Variants in EHBP1L1 observed in about 807,000 individuals in gnomAD.
EHBP1L1 encodes the protein EH domain binding protein 1 like 1.
Under a neutral mutation model 151.1 loss-of-function variants are expected in EHBP1L1, and 122 were observed. The observed-to-expected ratio is 0.81, with a 90% CI of 0.70 to 0.94. The LOEUF is 0.94. Ranked by LOEUF, EHBP1L1 falls within the 40% of genes least tolerant of loss-of-function variation. The pLI, the probability that EHBP1L1 is intolerant of heterozygous loss-of-function variation, is 0.00. For missense variants in EHBP1L1, 1,941 were observed against 1,959.8 expected (o/e 0.99, Z 0.18); for synonymous variants, 878 against 810.1 (o/e 1.08, Z -1.42).
chr11:65,583,277 A>G lies in EHBP1L1; in HGVS notation c.2605A>G (p.Thr869Ala). The G allele has an allele frequency of 6.2e-7, 1 of 1,613,522 alleles. No individual in the cohort carries two copies. The highest frequency in any genetic ancestry group is 2.2e-5 in the East Asian group (1 of 44,886). ...GGCCCGAGTACTGATGACCCGTAAG[A>G]CAGAAATTATAGTTCCAGAGGCTGA... ...AEARVLMTRK[T>A]EIIVPEAEKE... The change falls in exon 9 of 19, where the codon ACA (threonine) becomes GCA (alanine). Residue 869 changes from threonine (T) to alanine (A), a missense_variant. Physicochemically the swap from Thr to Ala is moderately conservative, Grantham distance 58. Transcript: ENST00000309295.
In EHBP1L1 at chr11:65,576,076, C is replaced by T. The variant is rs1033019797; in HGVS notation, c.-227C>T. 40 of 312,464 alleles carry T rather than the reference C, an allele frequency of 1.3e-4. No individual in the cohort carries two copies. The highest frequency in any genetic ancestry group is 8.1e-4 in the African/African-American group (37 of 45,532). The allele number at this position is 312,464 out of a possible 1,614,324, so 19.4% of individuals were successfully genotyped here. A position where few individuals can be genotyped will look rare whatever the true frequency, so the allele number is the denominator to read the frequency against. ...CCAGGAAACGGCGCGCTCCCAGCTC[C>T]GCGCTCGCCACCCGACGCGCCCCAG... On this transcript the variant is annotated 5_prime_UTR_variant, in exon 1 of 19. Transcript: ENST00000309295.
Position 65,576,342 on chromosome 11 carries a change from C to T in EHBP1L1, c.40C>T (p.Arg14Trp), listed in dbSNP as rs1330249918. 2 of 1,599,044 alleles carry T rather than the reference C, an allele frequency of 1.3e-6. No homozygotes were observed. Among genetic ancestry groups the T allele is most frequent in the Admixed American group, 1.7e-5 (1 of 57,878 alleles). The change falls in exon 1 of 19, where the codon CGG (arginine) becomes TGG (tryptophan). Residue 14 changes from arginine to tryptophan, a missense_variant. Arg to Trp is a moderately radical substitution (Grantham distance 101, BLOSUM62 -3). Transcript: ENST00000309295. The part of the protein sequence containing the change: ...VWKRLQRVGK[R>W]AAKFQFVACY... ...GAAGCGCCTGCAGCGCGTGGGCAAG[C>T]GGGCGGCCAAGTTCCAGTTCGTGGC...
Position 65,590,011 on chromosome 11 carries a change from A to G in EHBP1L1, c.4059+20A>G. The G allele has an allele frequency of 6.2e-7, 1 of 1,606,398 alleles. No homozygotes were observed. The highest frequency in any genetic ancestry group is 8.5e-7 in the Non-Finnish European group (1 of 1,174,418). The stretch of plus-strand genomic sequence containing the variant: ...GGGCTGGTAAGGAGGGCTAAGTGGG[A>G]GGAGCTGATGGGTGAGCACCACCTA... On this transcript the variant is annotated intron_variant, in intron 14 of 18. Coordinates refer to ENST00000309295, the MANE Select transcript of EHBP1L1 (RefSeq NM_001099409.3).
At chr11:65,579,891 C>T (rs1409848471) in intron 3 of EHBP1L1, 45 bp from the exon 4 acceptor site, 2 of 1,600,264 alleles carry the variant, frequency 1.2e-6, no homozygotes, top group Admixed American at 3.3e-5. Context: ...GCTCCCTTTG[C>T]TGCTGCCCCA....
intron 14 of EHBP1L1, 45 bp downstream of exon 14, chr11:65,590,036 A>G: frequency 6.2e-7 from 1 of 1,611,676 alleles, no homozygotes; most frequent in South Asian, 1.1e-5. Flanking sequence ...AGCACCACCT[A>G]TTCAGGGCCT....
chr11:65,582,317 G>C lies in EHBP1L1; in HGVS notation c.1645G>C (p.Ala549Pro). The C allele has an allele frequency of 6.5e-7, 1 of 1,545,380 alleles. No homozygotes were observed. The highest frequency in any genetic ancestry group is 8.7e-7 in the Non-Finnish European group (1 of 1,151,304). Residue 549 changes from alanine to proline, a missense_variant, in exon 9 of 19, where the codon GCC (alanine) becomes CCC (proline). Coordinates refer to ENST00000309295, the MANE Select transcript of EHBP1L1 (RefSeq NM_001099409.3). ...CTGGCAGGGGGCCCTGTTATCAACT[G>C]CCCAGGGGGCAATATCCAGGGGTCT... ...SSWQGALLSTAQGAISRGLGG... is the reference protein window; with the variant it reads ...SSWQGALLSTPQGAISRGLGG...
At position 65,576,351 on chromosome 11, in the gene EHBP1L1, A is replaced by G. The variant is rs1373616526; in HGVS notation, c.49A>G (p.Lys17Glu). The stretch of plus-strand genomic sequence containing the variant: ...GCAGCGCGTGGGCAAGCGGGCGGCC[A>G]AGTTCCAGTTCGTGGCCTGTTACCA... ...RLQRVGKRAA[K>E]FQFVACYHEL... The change falls in exon 1 of 19, where the codon AAG (lysine) becomes GAG (glutamate). Residue 17 changes from lysine (K) to glutamate (E), a missense_variant. Coordinates refer to ENST00000309295, the MANE Select transcript of EHBP1L1 (RefSeq NM_001099409.3). The G allele has an allele frequency of 6.2e-7, 1 of 1,600,108 alleles. No individual in the cohort carries two copies. Among genetic ancestry groups the G allele is most frequent in the South Asian group, 1.1e-5 (1 of 88,862 alleles).
Position 65,584,104 on chromosome 11 carries a change from A to G in EHBP1L1, c.3094-137A>G. 13 of 1,482,220 alleles carry G rather than the reference A, an allele frequency of 8.8e-6. No homozygotes were observed. The South Asian group carries it at 1.7e-4, about 20-fold the overall frequency. The allele number at this position is 1,482,220 out of a possible 1,614,324, so 91.8% of individuals were successfully genotyped here. A position where few individuals can be genotyped will look rare whatever the true frequency, so the allele number is the denominator to read the frequency against. On this transcript the variant is annotated intron_variant, in intron 9 of 18. Coordinates refer to ENST00000309295, the MANE Select transcript of EHBP1L1 (RefSeq NM_001099409.3). ...CTAGAAACCCTTTTACCTGGCCCCA[A>G]GGCTCTAGCCAGTGGTCTCTGGTGA...
At chr11:65,580,923 C>G in intron 6 of EHBP1L1, 135 bp from the exon 7 acceptor site, 3 of 1,440,138 alleles carry the variant, frequency 2.1e-6, no homozygotes, top group Non-Finnish European at 1.8e-6. Flanking sequence ...TGTCTCTTCT[C>G]GCAGGCCGGG....
rs1178707559 is a variant in EHBP1L1, at chr11:65,585,935, G to A, written c.3933+344G>A. ...GGGGAATCAGGCTGCAGAAGTTCCC[G>A]GAGCATCCACGTTCCTGGCACTCTG... On this transcript the variant is annotated intron_variant, in intron 12 of 18. Transcript: ENST00000309295. The surrounding 1 kb of genome is among the most constrained non-coding windows in gnomAD (Gnocchi z 4.0). 6.6e-6 allele frequency among the ~76,000 whole-genome samples: 1 copy of A among 152,204 alleles called. No individual in the cohort carries two copies. The highest frequency in any genetic ancestry group is 1.5e-5 in the Non-Finnish European group (1 of 68,014).
At position 65,581,721 on chromosome 11, in the gene EHBP1L1, G is replaced by A; in HGVS notation, c.1049G>A (p.Gly350Glu). The A allele has an allele frequency of 6.3e-7, 1 of 1,593,354 alleles. No individual in the cohort carries two copies. The highest frequency in any genetic ancestry group is 8.5e-7 in the Non-Finnish European group (1 of 1,170,308). The change falls in exon 9 of 19, where the codon GGG becomes GAG. Residue 350 changes from glycine to glutamate, a missense_variant. By Grantham distance (98) the Gly-to-Glu change is moderately conservative (BLOSUM62 -2). Coordinates refer to ENST00000309295, the MANE Select transcript of EHBP1L1 (RefSeq NM_001099409.3). ...ETQAQACPQE[G>E]TEAHGARLGP... ...CAGGCCCAGGCATGCCCTCAGGAAG[G>A]GACAGAAGCCCATGGAGCTAGGCTG...
intron 12 of EHBP1L1, among the ~76,000 whole-genome samples, chr11:65,586,761 G>A (rs183259654): frequency 6.6e-6 from 1 of 152,212 alleles, no homozygotes; most frequent in African/African-American, 2.4e-5. Flanking sequence ...GATGTGATAC[G>A]CAGGAGTCAA....
rs1414429784 is a variant in EHBP1L1 at position 65,584,396 on chromosome 11, G to T, written c.3249G>T (p.Lys1083Asn). The T allele has an allele frequency of 6.2e-7, 1 of 1,613,238 alleles. No homozygotes were observed. The highest frequency in any genetic ancestry group is 2.2e-5 in the East Asian group (1 of 44,860). Residue 1083 changes from lysine to asparagine, a missense_variant and splice_region_variant, in exon 10 of 19, where the codon AAG becomes AAT. Lys to Asn is a moderately conservative substitution (Grantham distance 94). Coordinates refer to ENST00000309295, the MANE Select transcript of EHBP1L1 (RefSeq NM_001099409.3). ...CAILHRFYPD[K>N]IDYASLDPLN... ...TCCTGCACCGATTCTACCCAGACAA[G>T]ATGTGAGCTGCCAGAGGGGTGGGAA...
In EHBP1L1 at chr11:65,588,851, G is replaced by A. The variant is rs377195011; in HGVS notation, c.3934-900G>A. 2.8e-4 allele frequency among the ~76,000 whole-genome samples: 43 copies of A among 152,360 alleles called. No individual in the cohort carries two copies. The South Asian group carries it at 8.7e-3, about 31-fold the overall frequency. On this transcript the variant is annotated intron_variant, in intron 12 of 18. Coordinates refer to ENST00000309295, the MANE Select transcript of EHBP1L1 (RefSeq NM_001099409.3). ...GAGCATGCAGCAGCCGCTCCTGGGT[G>A]TGGGAACTGAAAAGGCAGCAGGGCA... is the stretch of plus-strand genomic sequence containing the variant.
chr11:65,582,125 C>A lies in EHBP1L1; in HGVS notation c.1453C>A (p.Pro485Thr), dbSNP rs775633565. 28 of 1,594,134 alleles carry A rather than the reference C, an allele frequency of 1.8e-5. No individual in the cohort carries two copies. The highest frequency in any genetic ancestry group is 1.8e-4 in the African/African-American group (13 of 74,072). Reference protein sequence around the residue: ...PSGLSLPPAEPAGHSGQLGDL... With the variant: ...PSGLSLPPAETAGHSGQLGDL... The stretch of plus-strand genomic sequence containing the variant: ...AGGCCTGAGCCTGCCCCCAGCGGAG[C>A]CTGCAGGGCACTCTGGGCAACTTGG... Residue 485 changes from proline to threonine, a missense_variant, in exon 9 of 19, where the codon CCT becomes ACT. By Grantham distance (38) the Pro-to-Thr change is conservative. Coordinates refer to ENST00000309295, the MANE Select transcript of EHBP1L1 (RefSeq NM_001099409.3).
In EHBP1L1 at chr11:65,581,615, C is replaced by T. The variant is rs1398576725; in HGVS notation, c.943C>T (p.Pro315Ser). 6 of 1,534,044 alleles carry T rather than the reference C, an allele frequency of 3.9e-6. No individual in the cohort carries two copies. The Admixed American group carries it at 6.2e-5, about 16-fold the overall frequency. Residue 315 changes from proline to serine, a missense_variant, in exon 9 of 19, where the codon CCC becomes TCC. Coordinates refer to ENST00000309295, the MANE Select transcript of EHBP1L1 (RefSeq NM_001099409.3). ...CCGGAAAGGCTCTGATGCCCTCCGG[C>T]CCCCAGTCCCCCAGGGGGAAGATGA... ...RLRKGSDALR[P>S]PVPQGEDEVP...
rs1439369301 is a variant in EHBP1L1, at chr11:65,582,258, T to G, written c.1586T>G (p.Val529Gly). The G allele has an allele frequency of 6.6e-7, 1 of 1,526,604 alleles. No individual in the cohort carries two copies. Among genetic ancestry groups the G allele is most frequent in the East Asian group, 2.3e-5 (1 of 44,322 alleles). 94.6% of individuals were successfully genotyped at this position (1,526,604 alleles called of 1,614,324 possible). The change falls in exon 9 of 19, where the codon GTT becomes GGT. Residue 529 changes from valine (V) to glycine (G), a missense_variant. Physicochemically the swap from Val to Gly is moderately radical, Grantham distance 109 (BLOSUM62 -3). Transcript: ENST00000309295. Reference protein sequence around the residue: ...EGTGLEQGPSVGAISTRPQVS... With the variant: ...EGTGLEQGPSGGAISTRPQVS... ...ACAGGCCTGGAGCAGGGCCCTTCTG[T>G]TGGAGCAATAAGCACCAGGCCCCAG... is the stretch of plus-strand genomic sequence containing the variant.
intron 16 of EHBP1L1, chr11:65,591,253 G>A (rs1254304241): frequency 1.8e-5 from 3 of 165,426 alleles, no homozygotes; most frequent in East Asian, 1.9e-4. Flanking sequence ...GCCTGGTGGC[G>A]GGCGCCTGTA....
rs755731960 is a variant in EHBP1L1 at position 65,581,837 on chromosome 11, G to T, written c.1165G>T (p.Ala389Ser). ...EEMDTEDRPE[A>S]SGVDTEPRSG... Reference sequence around the variant, plus strand: ...GATGGACACTGAGGACAGGCCAGAGGCCAGTGGGGTGGACACTGAGCCAAG... The same window carrying T: ...GATGGACACTGAGGACAGGCCAGAGTCCAGTGGGGTGGACACTGAGCCAAG... The change falls in exon 9 of 19, where the codon GCC becomes TCC. Residue 389 changes from alanine to serine, a missense_variant. By Grantham distance (99) the Ala-to-Ser change is moderately conservative. Coordinates refer to ENST00000309295, the MANE Select transcript of EHBP1L1 (RefSeq NM_001099409.3). 1.2e-6 allele frequency: 2 copies of T among 1,613,680 alleles called. No individual in the cohort carries two copies. The highest frequency in any genetic ancestry group is 2.7e-5 in the African/African-American group (2 of 75,066).
Sources: allele counts gnomAD v4.1 joint callset (sites outside exome capture counted in the v4.1 genomes callset), GRCh38; gene constraint gnomAD v4.1.1; non-coding constraint Gnocchi (gnomAD v3.1); transcripts MANE v1.5; gene names NCBI Gene and HGNC (gene_info 2026-07-23, HGNC 2026-07-21).